The following PRP4K variants were observed in gnomAD, a reference collection of about 807,000 sequenced individuals.
PRP4K encodes the protein serine/threonine-protein kinase PRP4 homolog.
the PRP4K span, among the ~76,000 whole-genome samples, chr6:4,048,373 C>T: frequency 5.2e-5 from 6 of 115,292 alleles, no homozygotes; most frequent in Admixed American, 9.0e-5. Flanking sequence ...AGCAAGACTC[C>T]GTCTCAAAAA....
chr6:4,049,390 T>TA, the PRP4K span: 4 of 466,556 alleles, frequency 8.6e-6, no homozygotes, highest in East Asian at 1.1e-4. Flanking sequence ...GTACGTCACT[T>TA]ACTCGTCTTG....
At chr6:4,027,597 G>T in the PRP4K span, among the ~76,000 whole-genome samples, 1 of 118,366 alleles carries the variant, frequency 8.4e-6, no homozygotes, top group Non-Finnish European at 1.8e-5. Flanking sequence ...TTTGGCGGAG[G>T]GGTGGGGGGG....
At chr6:4,043,280 C>T in the PRP4K span, among the ~76,000 whole-genome samples, 4 of 152,328 alleles carry the variant, frequency 2.6e-5, no homozygotes, top group African/African-American at 9.6e-5. Context: ...GCTTACTTTT[C>T]TGGGACACTG....
At chr6:4,022,104 T>G in the PRP4K span, among the ~76,000 whole-genome samples, 1 of 151,122 alleles carries the variant, frequency 6.6e-6, no homozygotes, top group Non-Finnish European at 1.5e-5. Context: ...TTTTACCAAC[T>G]TGCAAACTTG....
the PRP4K span, among the ~76,000 whole-genome samples, chr6:4,047,411 A>G: frequency 6.6e-6 from 1 of 152,254 alleles, no homozygotes; most frequent in East Asian, 1.9e-4. Flanking sequence ...TTATAAGTCT[A>G]AAATTAATGT....
the PRP4K span, among the ~76,000 whole-genome samples, chr6:4,040,206 A>T: frequency 3.3e-5 from 5 of 150,324 alleles, no homozygotes; most frequent in African/African-American, 1.2e-4. Flanking sequence ...TTAAGTACTC[A>T]TTTACTGTCA....
chr6:4,043,448 A>G, the PRP4K span, among the ~76,000 whole-genome samples: 2 of 152,066 alleles, frequency 1.3e-5, no homozygotes, highest in East Asian at 3.9e-4. Context: ...TGGTGCATCT[A>G]TTATGTGCCA....
the PRP4K span, among the ~76,000 whole-genome samples, chr6:4,034,242 A>G: frequency 6.6e-6 from 1 of 152,112 alleles, no homozygotes; most frequent in East Asian, 1.9e-4. Context: ...GCGACAAAAC[A>G]TATAGATTGT....
chr6:4,026,389 G>A, the PRP4K span, among the ~76,000 whole-genome samples: 1 of 147,078 alleles, frequency 6.8e-6, no homozygotes, highest in African/African-American at 2.5e-5. Flanking sequence ...TGCAGCCTTC[G>A]CCTCCCAGGT....
At chr6:4,057,094 C>T in the PRP4K span, 43 of 1,610,592 alleles carry the variant, frequency 2.7e-5, 1 homozygote, top group South Asian at 3.7e-4. Flanking sequence ...GCACCTTATA[C>T]GAACTCTATA....
chr6:4,064,129 A>G, the PRP4K span: 1 of 152,418 alleles, frequency 6.6e-6, no homozygotes, highest in Non-Finnish European at 1.5e-5. Flanking sequence ...TTATTAATAC[A>G]TCCTGTTTTC....
At chr6:4,063,218 T>G in the PRP4K span, 1 of 152,154 alleles carries the variant, frequency 6.6e-6, no homozygotes, top group Non-Finnish European at 1.5e-5. Context: ...TTATTGGTGT[T>G]TGGTATTTAG....
At chr6:4,025,838 A>G in the PRP4K span, among the ~76,000 whole-genome samples, 1 of 152,210 alleles carries the variant, frequency 6.6e-6, no homozygotes, top group African/African-American at 2.4e-5. Context: ...GATGAAATGT[A>G]AGTAATTTTG....
At chr6:4,031,686 C>G in the PRP4K span, 3 of 1,603,936 alleles carry the variant, frequency 1.9e-6, no homozygotes, top group South Asian at 3.4e-5. Context: ...ACATAAGAAA[C>G]ATAAACATTC....
chr6:4,038,331 G>C, the PRP4K span, among the ~76,000 whole-genome samples: 1 of 151,790 alleles, frequency 6.6e-6, no homozygotes, highest in African/African-American at 2.4e-5. Flanking sequence ...TCACTCTGTT[G>C]CCCACGCTGG....
At chr6:4,051,489 G>T in the PRP4K span, among the ~76,000 whole-genome samples, 1 of 151,548 alleles carries the variant, frequency 6.6e-6, no homozygotes, top group East Asian at 2.0e-4. Flanking sequence ...GCTAATTTTT[G>T]TATTTTTAGT....
the PRP4K span, chr6:4,031,777 C>G: frequency 6.2e-7 from 1 of 1,607,914 alleles, no homozygotes; most frequent in Non-Finnish European, 8.5e-7. Context: ...ATTGATGCTT[C>G]TGATAAAGAG....
At chr6:4,034,157 AT>A in the PRP4K span, among the ~76,000 whole-genome samples, 67,008 of 150,232 alleles carry the variant, frequency 0.45, 16,852 homozygotes, top group East Asian at 0.62. Context: ...ATATAAGGGA[AT>A]TTTTTTTTTT....
At chr6:4,041,650 T>C in the PRP4K span, among the ~76,000 whole-genome samples, 4,874 of 149,520 alleles carry the variant, frequency 0.033, 263 homozygotes, top group African/African-American at 0.11. Context: ...CAGGAGGTTA[T>C]TAGCCTCCCT....
Sources: allele counts gnomAD v4.1 joint callset (sites outside exome capture counted in the v4.1 genomes callset), GRCh38; gene constraint gnomAD v4.1.1; transcripts MANE v1.5; gene names NCBI Gene and HGNC (gene_info 2026-07-23, HGNC 2026-07-21).